PRKN: variants seen among roughly 807,000 people sequenced by gnomAD.
PRKN encodes E3 ubiquitin-protein ligase parkin.
Under a neutral mutation model 59.5 loss-of-function variants are expected in PRKN, and 56 were observed. That is an observed-to-expected ratio of 0.94 (90% CI 0.76 to 1.18). The LOEUF (loss-of-function observed/expected upper bound fraction) is 1.18. PRKN is among the 50% of genes most tolerant of loss of function. The pLI is 0.00. For missense variants in PRKN, 657 were observed against 596.4 expected (o/e 1.10, Z -1.06); for synonymous variants, 250 against 222.1 (o/e 1.13, Z -1.12).
chr6:162,690,187 A>G (rs2128234862), intron 1 of PRKN, among the ~76,000 whole-genome samples: 1 of 152,266 alleles, frequency 6.6e-6, no homozygotes, highest in Non-Finnish European at 1.5e-5. Context: ...CGCTTTAGCT[A>G]AAAACAGTAA....
At chr6:162,636,680 A>G (rs1429067782) in intron 1 of PRKN, among the ~76,000 whole-genome samples, 1 of 152,226 alleles carries the variant, frequency 6.6e-6, no homozygotes, top group Non-Finnish European at 1.5e-5. Context: ...GAAATGAAAT[A>G]AACACCCATA....
chr6:161,826,615 T>C (rs4571545), intron 6 of PRKN, among the ~76,000 whole-genome samples: 94,488 of 152,092 alleles, frequency 0.62, 29,605 homozygotes, highest in Middle Eastern at 0.72. Context: ...ACAAGCTTCC[T>C]TGTTCCACCC....
rs765881612 is a variant in PRKN, at chr6:161,581,805, G to A, written c.872-12389C>T. On this transcript the variant is annotated intron_variant, in intron 7 of 11. Coordinates refer to ENST00000366898, the MANE Select transcript of PRKN (RefSeq NM_004562.3). This position sits in a 1 kb window ranked among gnomAD's most constrained non-coding sequence, Gnocchi z 4.5. Reference sequence around the variant, plus strand: ...AGCTGCTAGTGCAGAGGGTGTGGAAGCCATGCTAAGCTAGTGAGTTCTGAC... The same window carrying A: ...AGCTGCTAGTGCAGAGGGTGTGGAAACCATGCTAAGCTAGTGAGTTCTGAC... Among the ~76,000 whole-genome samples, 1 of 152,186 alleles carries A rather than the reference G, an allele frequency of 6.6e-6. No individual in the cohort carries two copies. The highest frequency in any genetic ancestry group is 1.5e-5 in the Non-Finnish European group (1 of 68,040).
At chr6:161,450,919 C>T (rs1789714630) in intron 9 of PRKN, among the ~76,000 whole-genome samples, 2 of 152,036 alleles carry the variant, frequency 1.3e-5, no homozygotes, top group African/African-American at 2.4e-5. Context: ...AAATAGAAAA[C>T]ACTGAATTGT....
intron 1 of PRKN, among the ~76,000 whole-genome samples, chr6:162,656,003 T>C (rs955121382): frequency 1.3e-5 from 2 of 152,184 alleles, no homozygotes; most frequent in South Asian, 2.1e-4. Context: ...AAAAGGCCTA[T>C]TAGGCCCAAA....
chr6:162,182,486 A>G (rs1433749267), intron 4 of PRKN, among the ~76,000 whole-genome samples: 1 of 152,148 alleles, frequency 6.6e-6, no homozygotes, highest in East Asian at 1.9e-4. Context: ...GAGTCTACTG[A>G]CATGGGACAG....
chr6:162,305,871 ATC>A (rs767340145), intron 2 of PRKN, among the ~76,000 whole-genome samples: 1 of 152,100 alleles, frequency 6.6e-6, no homozygotes, highest in East Asian at 1.9e-4. Context: ...TAGTATCTAT[ATC>A]TGTTTTAGAT....
intron 4 of PRKN, among the ~76,000 whole-genome samples, chr6:162,092,862 C>A (rs9355383): frequency 0.6 from 91,239 of 151,900 alleles, 27,536 homozygotes; most frequent in East Asian, 0.78. Flanking sequence ...TATGATGGAG[C>A]CTTAAGATGG....
chr6:162,223,352 T>A (rs1216409376), intron 3 of PRKN, among the ~76,000 whole-genome samples: 3 of 152,060 alleles, frequency 2.0e-5, no homozygotes, highest in Non-Finnish European at 2.9e-5. Flanking sequence ...ATTGACACTC[T>A]TGGCATGTAG....
At chr6:162,309,241 T>A (rs546336051) in intron 2 of PRKN, among the ~76,000 whole-genome samples, 7 of 152,280 alleles carry the variant, frequency 4.6e-5, no homozygotes, top group African/African-American at 1.4e-4. Flanking sequence ...GCTGGCTCAC[T>A]GCAACCTACG....
intron 1 of PRKN, among the ~76,000 whole-genome samples, chr6:162,690,071 A>G (rs1777717722): frequency 4.0e-5 from 1 of 25,264 alleles, no homozygotes; most frequent in African/African-American, 1.5e-4. Flanking sequence ...TTGAAGATAT[A>G]TTGTTATTAG....
At position 161,352,755 on chromosome 6, in the gene PRKN, G is replaced by GTGTATATATATATATATATATATA. The variant is rs766949960; in HGVS notation, c.1286-2545_1286-2544insTATATATATATATATATATATACA. ...TGTGTGTGTGTGTGTGTGTGTGTGT[G>GTGTATATATATATATATATATATA]TATATATATATATATATTTTATTTT... On this transcript the variant is annotated intron_variant, in intron 11 of 11. Transcript: ENST00000366898. This position sits in a 1 kb window ranked among gnomAD's most constrained non-coding sequence, Gnocchi z 5.8. Among the ~76,000 whole-genome samples the GTGTATATATATATATATATATATA allele has an allele frequency of 5.2e-5, 7 of 134,370 alleles. No homozygotes were observed. Among genetic ancestry groups the GTGTATATATATATATATATATATA allele is most frequent in the African/African-American group, 1.7e-4 (6 of 35,720 alleles). 88.2% of individuals were successfully genotyped at this position (134,370 alleles called of 152,430 possible). A position where few individuals can be genotyped will look rare whatever the true frequency, so the allele number is the denominator to read the frequency against.
At chr6:161,365,030 G>A (rs1381131347) in intron 10 of PRKN, among the ~76,000 whole-genome samples, 3 of 152,096 alleles carry the variant, frequency 2.0e-5, no homozygotes, top group African/African-American at 7.2e-5. Context: ...GATTCAGGCA[G>A]AGGGTCCTTA....
At chr6:161,774,967 T>C (rs1258437387) in intron 7 of PRKN, among the ~76,000 whole-genome samples, 1 of 152,158 alleles carries the variant, frequency 6.6e-6, no homozygotes, top group African/African-American at 2.4e-5. Context: ...CAGGAGTTAG[T>C]TTCAATGTGG....
At position 161,390,722 on chromosome 6, in the gene PRKN, C is replaced by T. The variant is rs1315918703; in HGVS notation, c.1084-3845G>A. 6.6e-6 allele frequency among the ~76,000 whole-genome samples: 1 copy of T among 152,118 alleles called. No homozygotes were observed. Among genetic ancestry groups the T allele is most frequent in the African/African-American group, 2.4e-5 (1 of 41,382 alleles). On this transcript the variant is annotated intron_variant, in intron 9 of 11. Transcript: ENST00000366898. This position sits in a 1 kb window ranked among gnomAD's most constrained non-coding sequence, Gnocchi z 7.0. ...CAGGCTGGTCTTGAACTCCTGACCT[C>T]AGGTGATCCACCCGCCTCGGCCTCC...
At chr6:162,167,040 T>C (rs34091491) in intron 4 of PRKN, among the ~76,000 whole-genome samples, 3,381 of 152,188 alleles carry the variant, frequency 0.022, 132 homozygotes, top group African/African-American at 0.077. Flanking sequence ...AAGATGATAA[T>C]ATAGGGAATA....
At chr6:161,682,085 C>T (rs1785386963) in intron 7 of PRKN, among the ~76,000 whole-genome samples, 1 of 152,184 alleles carries the variant, frequency 6.6e-6, no homozygotes, top group African/African-American at 2.4e-5. Context: ...AAGAAAGGAC[C>T]AGCGCTCTGC....
chr6:162,418,242 A>G (rs1417664973), intron 2 of PRKN, among the ~76,000 whole-genome samples: 1 of 152,236 alleles, frequency 6.6e-6, no homozygotes, highest in Non-Finnish European at 1.5e-5. Context: ...TAAGTGAAAG[A>G]AGGCAATCAC....
chr6:162,214,190 A>C (rs1777535317), intron 3 of PRKN, among the ~76,000 whole-genome samples: 1 of 152,294 alleles, frequency 6.6e-6, no homozygotes, highest in Admixed American at 6.5e-5. Context: ...ACCTGAAGGA[A>C]GGGAAGGGAA....
Sources: gnomAD v4.1 joint callset for allele counts (sites outside exome capture counted in the v4.1 genomes callset) on GRCh38, gnomAD v4.1.1 for gene constraint, Gnocchi (gnomAD v3.1) non-coding constraint, MANE v1.5 for transcripts, NCBI Gene and HGNC (gene_info 2026-07-23, HGNC 2026-07-21) for gene names.